The following JADE2 variants were observed in gnomAD, a reference collection of about 807,000 sequenced individuals.
JADE2 encodes the protein E3 ubiquitin-protein ligase Jade-2.
JADE2 carries 13 observed loss-of-function variants against 85.7 expected under a neutral mutation model. That is an observed-to-expected ratio of 0.15 (90% CI 0.10 to 0.24). The LOEUF (loss-of-function observed/expected upper bound fraction) is 0.24, where lower values mean the gene tolerates loss of function less well. Ranked by LOEUF, JADE2 falls within the 10% of genes least tolerant of loss-of-function variation. JADE2 has a pLI of 1.00. For synonymous variants in JADE2, 440 were observed against 456.1 expected (o/e 0.96, Z 0.45); for missense variants, 846 against 1,115.9 (o/e 0.76, Z 3.45).
At chr5:134,526,089 C>G in intron 1 of JADE2, 78 bp downstream of exon 1, 1 of 985,496 alleles carries the variant, frequency 1.0e-6, no homozygotes, top group Non-Finnish European at 1.2e-6. Context: ...GATCTGCCAG[C>G]GCTCTTCGCT....
At chr5:134,567,768 C>T (rs1334581242) in intron 9 of JADE2, among the ~76,000 whole-genome samples, 1 of 152,222 alleles carries the variant, frequency 6.6e-6, no homozygotes, top group Non-Finnish European at 1.5e-5. Context: ...GCTGCCTGCT[C>T]AAGAGGGAAA....
At chr5:134,550,804 A>G (rs991723273) in intron 3 of JADE2, among the ~76,000 whole-genome samples, 2 of 152,100 alleles carry the variant, frequency 1.3e-5, no homozygotes, top group African/African-American at 4.8e-5. Context: ...GCAGCAGACA[A>G]AACTCTGGCA....
intron 4 of JADE2, among the ~76,000 whole-genome samples, chr5:134,555,984 C>T (rs1330344957): frequency 6.6e-6 from 1 of 152,222 alleles, no homozygotes; most frequent in Non-Finnish European, 1.5e-5. Context: ...GGAGGCCATT[C>T]TCTCTGCCGG....
At chr5:134,534,303 C>T (rs565309654) in intron 1 of JADE2, among the ~76,000 whole-genome samples, 2 of 152,162 alleles carry the variant, frequency 1.3e-5, no homozygotes, top group Non-Finnish European at 2.9e-5. Flanking sequence ...AACCCCCTCC[C>T]GCTACTGTGA....
chr5:134,565,879 A>G (rs1207031674), intron 8 of JADE2, among the ~76,000 whole-genome samples: 1 of 149,248 alleles, frequency 6.7e-6, no homozygotes, highest in East Asian at 2.0e-4. Flanking sequence ...CCGTCTTCTG[A>G]TTGACTTCCC....
chr5:134,572,428 G>C (rs994140070), intron 9 of JADE2, among the ~76,000 whole-genome samples: 1 of 152,244 alleles, frequency 6.6e-6, no homozygotes, highest in Non-Finnish European at 1.5e-5. Flanking sequence ...GCAGAAGAGA[G>C]GTCTGATCTT....
At chr5:134,568,675 A>G (rs1200322120) in intron 9 of JADE2, among the ~76,000 whole-genome samples, 1 of 152,206 alleles carries the variant, frequency 6.6e-6, no homozygotes, top group Non-Finnish European at 1.5e-5. Flanking sequence ...ACCAGCTTCA[A>G]TGAGGGCAGG....
intron 10 of JADE2, chr5:134,573,973 A>G (rs752781208): frequency 1.5e-6 from 1 of 645,750 alleles, no homozygotes; most frequent in South Asian, 1.6e-5. Context: ...GCAGAGAGCC[A>G]GAGGTTGGAA....
intron 1 of JADE2, among the ~76,000 whole-genome samples, chr5:134,529,141 A>G (rs1225931933): frequency 6.6e-6 from 1 of 152,212 alleles, no homozygotes; most frequent in African/African-American, 2.4e-5. Context: ...CACAGGTAAG[A>G]GGCTTCTAGT....
rs771953686 is a variant in JADE2, at chr5:134,525,729, AT to A, written c.-277del. On this transcript the variant is annotated 5_prime_UTR_variant, in exon 1 of 12. It introduces an in-frame stop codon into an upstream open reading frame of the 5' UTR. Coordinates refer to ENST00000681547, the MANE Select transcript of JADE2 (RefSeq NM_001388185.1). ...ACCGCGGCCATCGCAGTTGGAGGCT[AT>A]TTTTTGGGGGGGGTGAGTAGCGTCC... is the stretch of plus-strand genomic sequence containing the variant. 3 of 1,226,764 alleles carry A rather than the reference AT, an allele frequency of 2.4e-6. No homozygotes were observed. Among genetic ancestry groups the A allele is most frequent in the Admixed American group, 6.2e-5 (2 of 32,444 alleles). The allele number at this position is 1,226,764 out of a possible 1,614,324, so 76.0% of individuals were successfully genotyped here.
chr5:134,536,351 C>T (rs1761586199), intron 2 of JADE2, among the ~76,000 whole-genome samples: 1 of 152,120 alleles, frequency 6.6e-6, no homozygotes, highest in Admixed American at 6.5e-5. Flanking sequence ...TCTTGCTTAC[C>T]ACTATATCCC....
intron 3 of JADE2, among the ~76,000 whole-genome samples, chr5:134,539,043 T>TTTTATTTATTTACTTA (rs1761787201): frequency 7.4e-6 from 1 of 134,378 alleles, no homozygotes; most frequent in African/African-American, 2.8e-5. Flanking sequence ...TTTATTTTTA[T>TTTTATTTATTTACTTA]TTTATTTATT....
At chr5:134,546,969 A>G (rs1762332402) in intron 3 of JADE2, among the ~76,000 whole-genome samples, 1 of 152,200 alleles carries the variant, frequency 6.6e-6, no homozygotes, top group Non-Finnish European at 1.5e-5. Context: ...TCTTAGCTAC[A>G]AATCTTGAGA....
rs1175942819 is a variant in JADE2 at position 134,578,841 on chromosome 5, G to A, written c.2029G>A (p.Ala677Thr). The A allele has an allele frequency of 3.1e-6, 5 of 1,613,654 alleles. No individual in the cohort carries two copies. Among genetic ancestry groups the A allele is most frequent in the Admixed American group, 1.7e-5 (1 of 60,014 alleles). Residue 677 changes from alanine (A) to threonine (T), a missense_variant, in exon 12 of 12, where the codon GCA (alanine) becomes ACA (threonine). Around this residue, in one of 9 missense-constraint regions of JADE2, gnomAD observed 300 missense variants for 300.7 expected, o/e 1.00. Transcript: ENST00000681547. The surrounding 1 kb of genome is among the most constrained non-coding windows in gnomAD (Gnocchi z 4.4). ...CCCCAAGAAGACCTGGGGCCAGGAT[G>A]CAGGCAGTGGCAAGGGGGGTCAAGG... ...KAPKKTWGQD[A>T]GSGKGGQGPP... is the part of the protein sequence containing the mutation.
chr5:134,576,938 A>G (rs1195930654), intron 11 of JADE2, 42 bp downstream of exon 11: 1 of 1,498,896 alleles, frequency 6.7e-7, no homozygotes, highest in Non-Finnish European at 8.9e-7. Flanking sequence ...GGCAGGCTTG[A>G]CCATCACCAC....
chr5:134,527,236 C>T (rs1284864517), intron 1 of JADE2, among the ~76,000 whole-genome samples: 1 of 151,786 alleles, frequency 6.6e-6, no homozygotes, highest in Admixed American at 6.6e-5. Context: ...CCCACCCACT[C>T]GCCTGCGCCT....
intron 6 of JADE2, 132 bp downstream of exon 6, chr5:134,561,089 A>G (rs1251650374): frequency 1.7e-5 from 13 of 759,382 alleles, no homozygotes; most frequent in Non-Finnish European, 2.4e-5. Flanking sequence ...AATGGTGAGG[A>G]TGCTTCATGG....
intron 1 of JADE2, among the ~76,000 whole-genome samples, chr5:134,527,417 G>A (rs1342262911): frequency 6.6e-6 from 1 of 152,034 alleles, no homozygotes; most frequent in African/African-American, 2.4e-5. Flanking sequence ...GGTTGCCTGC[G>A]AGACAGCCAG....
rs779584510 is a variant in JADE2, at chr5:134,579,295, G to T, written c.2483G>T (p.Arg828Leu). 3 of 1,608,630 alleles carry T rather than the reference G, an allele frequency of 1.9e-6. No individual in the cohort carries two copies. The highest frequency in any genetic ancestry group is 1.1e-5 in the South Asian group (1 of 90,448). The change falls in exon 12 of 12, where the codon CGC becomes CTC. Residue 828 changes from arginine to leucine, a missense_variant. Coordinates refer to ENST00000681547, the MANE Select transcript of JADE2 (RefSeq NM_001388185.1). The surrounding 1 kb of genome is among the most constrained non-coding windows in gnomAD (Gnocchi z 4.6). ...PREAGAEEVV[R>L]MGVLAS ...GAGGCAGGGGCAGAGGAGGTGGTCC[G>T]CATGGGCGTACTGGCCTCCTAACTC...
Sources: allele counts gnomAD v4.1 joint callset (sites outside exome capture counted in the v4.1 genomes callset), GRCh38; gene constraint gnomAD v4.1.1; regional missense constraint gnomAD v4.1.1; non-coding constraint Gnocchi (gnomAD v3.1); transcripts MANE v1.5; gene names NCBI Gene and HGNC (gene_info 2026-07-23, HGNC 2026-07-21).